TRPM6: variants seen among roughly 807,000 people sequenced by gnomAD.
The protein encoded by TRPM6 is channel kinase 2.
A neutral mutation model predicts 247.6 loss-of-function variants in TRPM6; 111 were observed. That is an observed-to-expected ratio of 0.45 (90% CI 0.38 to 0.52). The LOEUF is 0.52. Ranked by LOEUF, TRPM6 falls within the 20% of genes least tolerant of loss-of-function variation. TRPM6 has a pLI of 0.00. For missense variants in TRPM6, 2,126 were observed against 2,421.5 expected, an observed-to-expected ratio of 0.88 and a Z score of 2.56; for synonymous variants, 892 against 853.8, an observed-to-expected ratio of 1.04 and a Z score of -0.78.
chr9:74,828,512 G>A (rs756631658), intron 6 of TRPM6, among the ~76,000 whole-genome samples: 6 of 152,126 alleles, frequency 3.9e-5, no homozygotes. Context: ...CACAACACAA[G>A]TTCAACAGTA....
chr9:74,800,566 T>C, intron 16 of TRPM6, 84 bp from the exon 17 acceptor site: 1 of 948,114 alleles, frequency 1.1e-6, no homozygotes, highest in Non-Finnish European at 1.7e-6. Flanking sequence ...TTTAGAAACA[T>C]TGTAAAAGAT....
chr9:74,791,905 C>T (rs370081604), intron 19 of TRPM6, among the ~76,000 whole-genome samples: 4 of 152,116 alleles, frequency 2.6e-5, no homozygotes, highest in East Asian at 3.9e-4. Flanking sequence ...TACAGGCGCC[C>T]GCCATCACGC....
At chr9:74,761,230 A>C (rs1380180388) in intron 27 of TRPM6, among the ~76,000 whole-genome samples, 1 of 152,198 alleles carries the variant, frequency 6.6e-6, no homozygotes, top group Non-Finnish European at 1.5e-5. Flanking sequence ...AAAAACACTT[A>C]CCATATGACT....
intron 18 of TRPM6, among the ~76,000 whole-genome samples, chr9:74,794,762 C>A (rs1018097183): frequency 3.3e-5 from 5 of 152,044 alleles, no homozygotes; most frequent in Admixed American, 6.6e-5. Context: ...ATGATGAAGA[C>A]AACCTGAGAA....
rs1269718306 is a variant in TRPM6 at position 74,750,710 on chromosome 9, T to C, written c.5011A>G (p.Asn1671Asp). ...LKQSQEDLSK[N>D]SLWNSRSTNL... ...GTGCTCCTGGAATTCCACAAAGAGT[T>C]TTTGCTGAGATCCTGAGCAGAAGGG... Residue 1671 changes from asparagine (N) to aspartate (D), a missense_variant, in exon 30 of 39, where the codon AAC becomes GAC. Around this residue, in one of 3 missense-constraint regions of TRPM6, gnomAD observed 717 missense variants for 715.9 expected, o/e 1.00. Coordinates refer to ENST00000360774, the MANE Select transcript of TRPM6 (RefSeq NM_017662.5). 1 of 1,613,890 alleles carries C rather than the reference T, an allele frequency of 6.2e-7. No individual in the cohort carries two copies. The highest frequency in any genetic ancestry group is 8.5e-7 in the Non-Finnish European group (1 of 1,179,814).
intron 20 of TRPM6, 77 bp from the exon 21 acceptor site, chr9:74,786,202 C>T: frequency 6.6e-7 from 1 of 1,520,660 alleles, no homozygotes; most frequent in Non-Finnish European, 9.1e-7. Context: ...CTTAAATACA[C>T]AAACCATTCA....
chr9:74,737,495 A>G, intron 36 of TRPM6: 1 of 1,183,516 alleles, frequency 8.4e-7, no homozygotes, highest in Non-Finnish European at 1.1e-6. Flanking sequence ...AGTTGTTTAA[A>G]CAAACCATAA....
intron 6 of TRPM6, among the ~76,000 whole-genome samples, chr9:74,829,763 T>A (rs1252433545): frequency 6.6e-6 from 1 of 151,964 alleles, no homozygotes; most frequent in Non-Finnish European, 1.5e-5. Flanking sequence ...AGAAATAATA[T>A]AAAATAAAAA....
At position 74,767,850 on chromosome 9, in the gene TRPM6, C is replaced by T. The variant is rs1251188048; in HGVS notation, c.3536+3853G>A. Among the ~76,000 whole-genome samples, 4 of 152,102 alleles carry T rather than the reference C, an allele frequency of 2.6e-5. No individual in the cohort carries two copies. The South Asian group carries it at 8.3e-4, about 32-fold the overall frequency. On this transcript the variant is annotated intron_variant, in intron 25 of 38. Coordinates refer to ENST00000360774, the MANE Select transcript of TRPM6 (RefSeq NM_017662.5). Reference sequence around the variant, plus strand: ...AGTTAGCTCAGCATGGTAGCATGTGCCTGTAGTCCTAGCTACTTGTAAGGC... The same window carrying T: ...AGTTAGCTCAGCATGGTAGCATGTGTCTGTAGTCCTAGCTACTTGTAAGGC...
At chr9:74,797,256 T>C (rs978850644) in intron 17 of TRPM6, among the ~76,000 whole-genome samples, 12 of 152,308 alleles carry the variant, frequency 7.9e-5, no homozygotes, top group Admixed American at 1.3e-4. Context: ...AATGAAAAGG[T>C]AGCCACGCTA....
At chr9:74,773,413 G>A (rs899048308) in intron 24 of TRPM6, among the ~76,000 whole-genome samples, 1 of 152,040 alleles carries the variant, frequency 6.6e-6, no homozygotes, top group African/African-American at 2.4e-5. Context: ...CCATTCAATG[G>A]CCAATCACAG....
chr9:74,882,954 C>A (rs1019644973), intron 1 of TRPM6, among the ~76,000 whole-genome samples: 1 of 152,078 alleles, frequency 6.6e-6, no homozygotes, highest in African/African-American at 2.4e-5. Context: ...CATTGTTGTG[C>A]GGCCAATCTC....
At chr9:74,785,809 C>A (rs933170059) in intron 21 of TRPM6, 65 bp downstream of exon 21, 181 of 1,578,874 alleles carry the variant, frequency 1.1e-4, no homozygotes, top group Non-Finnish European at 1.1e-4. Flanking sequence ...AGGTGTGAGC[C>A]ACCACACCTG....
intron 7 of TRPM6, among the ~76,000 whole-genome samples, chr9:74,823,864 A>C (rs540714896): frequency 6.6e-6 from 1 of 152,286 alleles, no homozygotes; most frequent in East Asian, 1.9e-4. Flanking sequence ...GAAAAACTAC[A>C]AAAGAAGCAT....
intron 21 of TRPM6, among the ~76,000 whole-genome samples, chr9:74,784,541 T>G (rs1054049102): frequency 1.3e-5 from 2 of 152,190 alleles, no homozygotes; most frequent in Non-Finnish European, 2.9e-5. Context: ...AAGAGTGTGA[T>G]GGTAGGGGAG....
In TRPM6 at chr9:74,782,739, C is replaced by T; in HGVS notation, c.3034G>A (p.Asp1012Asn). ...KEPPSWSLAR[D>N]IVFEPYWMIY... Reference sequence around the variant, plus strand: ...ATCCAGTATGGCTCAAATACAATATCTCGAGCTAGACTCCAAGATGGTGGC... The same window carrying T: ...ATCCAGTATGGCTCAAATACAATATTTCGAGCTAGACTCCAAGATGGTGGC... The change falls in exon 22 of 39, where the codon GAT becomes AAT. Residue 1012 changes from aspartate (D) to asparagine (N), a missense_variant. By Grantham distance (23) the Asp-to-Asn change is conservative. This residue lies in a region of TRPM6 where 1,082 missense variants were observed against 1,307.9 expected (regional missense o/e 0.83). Coordinates refer to ENST00000360774, the MANE Select transcript of TRPM6 (RefSeq NM_017662.5). The T allele has an allele frequency of 6.2e-7, 1 of 1,614,130 alleles. No individual in the cohort carries two copies. Among genetic ancestry groups the T allele is most frequent in the South Asian group, 1.1e-5 (1 of 91,080 alleles).
intron 31 of TRPM6, among the ~76,000 whole-genome samples, chr9:74,745,820 G>C (rs1185382744): frequency 6.6e-6 from 1 of 152,158 alleles, no homozygotes; most frequent in African/African-American, 2.4e-5. Flanking sequence ...AATGCCATTT[G>C]AGCAAGAGTG....
intron 30 of TRPM6, among the ~76,000 whole-genome samples, chr9:74,748,472 GTTAT>G (rs1229338290): frequency 6.6e-6 from 1 of 152,204 alleles, no homozygotes; most frequent in Non-Finnish European, 1.5e-5. Flanking sequence ...CTCCATGTGT[GTTAT>G]TGCCCCTGAA....
At chr9:74,795,436 T>G (rs1421940649) in intron 18 of TRPM6, among the ~76,000 whole-genome samples, 3 of 152,200 alleles carry the variant, frequency 2.0e-5, no homozygotes, top group Non-Finnish European at 4.4e-5. Flanking sequence ...CTACAAGTAC[T>G]CCCAGCTTGT....
Sources: gnomAD v4.1 joint callset for allele counts (sites outside exome capture counted in the v4.1 genomes callset) on GRCh38, gnomAD v4.1.1 for gene constraint, gnomAD v4.1.1 regional missense constraint, MANE v1.5 for transcripts, NCBI Gene and HGNC (gene_info 2026-07-23, HGNC 2026-07-21) for gene names.